SLCO2B1: variants seen among roughly 807,000 people sequenced by gnomAD.
The protein encoded by SLCO2B1 is OATP-RP2.
Under a neutral mutation model 67.3 loss-of-function variants are expected in SLCO2B1, and 41 were observed. That is an observed-to-expected ratio of 0.61 (90% CI 0.47 to 0.79). SLCO2B1 has a LOEUF of 0.79. Ranked by LOEUF, SLCO2B1 falls within the 30% of genes least tolerant of loss-of-function variation. SLCO2B1 has a pLI of 0.00. For synonymous variants in SLCO2B1, 379 were observed against 381.4 expected (o/e 0.99, Z 0.07); for missense variants, 837 against 920.1 (o/e 0.91, Z 1.17).
intron 7 of SLCO2B1, among the ~76,000 whole-genome samples, chr11:75,175,792 G>A (rs1233530123): frequency 6.6e-6 from 1 of 152,196 alleles, no homozygotes; most frequent in East Asian, 1.9e-4. Context: ...GTGAAGGAAG[G>A]CCAGATGCAG....
intron 1 of SLCO2B1, among the ~76,000 whole-genome samples, chr11:75,152,900 C>T (rs1344895048): frequency 2.0e-5 from 3 of 152,122 alleles, no homozygotes; most frequent in African/African-American, 4.8e-5. Context: ...GACACAGAGC[C>T]TGCAGCCTGG....
intron 7 of SLCO2B1, among the ~76,000 whole-genome samples, chr11:75,175,656 C>T (rs1049002267): frequency 2.0e-5 from 3 of 151,806 alleles, no homozygotes; most frequent in South Asian, 2.1e-4. Flanking sequence ...CAAGGTCTGT[C>T]GGCTCTGACA....
chr11:75,170,661 C>T (rs1486247334), intron 6 of SLCO2B1, among the ~76,000 whole-genome samples: 3 of 152,162 alleles, frequency 2.0e-5, no homozygotes, highest in Non-Finnish European at 4.4e-5. Context: ...TGCCCACAAG[C>T]GCCTCCAGCC....
intron 10 of SLCO2B1, 117 bp downstream of exon 10, chr11:75,196,796 GTC>G (rs1945108108): frequency 1.1e-6 from 1 of 939,558 alleles, no homozygotes; most frequent in East Asian, 2.7e-5. Context: ...TCGTCTCTCT[GTC>G]TCTCTCTGTT....
intron 7 of SLCO2B1, among the ~76,000 whole-genome samples, chr11:75,180,627 A>G (rs150959801): frequency 6.6e-6 from 1 of 152,306 alleles, no homozygotes; most frequent in African/African-American, 2.4e-5. Flanking sequence ...TCTATATCCT[A>G]CTTGCACTAT....
intron 8 of SLCO2B1, among the ~76,000 whole-genome samples, chr11:75,189,684 C>T (rs1307284092): frequency 1.3e-5 from 2 of 152,114 alleles, no homozygotes; most frequent in South Asian, 4.1e-4. Flanking sequence ...TGGTGGCTCA[C>T]ACCTGTAATC....
At position 75,206,381 on chromosome 11, in the gene SLCO2B1, T is replaced by C. The variant is rs1478768909; in HGVS notation, c.*1801T>C. 6.6e-6 allele frequency: 1 copy of C among 152,262 alleles called. No homozygotes were observed. The highest frequency in any genetic ancestry group is 1.5e-5 in the Non-Finnish European group (1 of 68,048). The allele number at this position is 152,262 out of a possible 1,614,324, so 9.4% of individuals were successfully genotyped here. A position where few individuals can be genotyped will look rare whatever the true frequency, so the allele number is the denominator to read the frequency against. Reference sequence around the variant, plus strand: ...TTGCTCACCATTATTGCTTGTATATTACATCTTTTCCAATCTTTATATTCT... The same window carrying C: ...TTGCTCACCATTATTGCTTGTATATCACATCTTTTCCAATCTTTATATTCT... On this transcript the variant is annotated 3_prime_UTR_variant, in exon 14 of 14. Coordinates refer to ENST00000289575, the MANE Select transcript of SLCO2B1 (RefSeq NM_007256.5).
At chr11:75,175,250 C>T (rs1565539780) in intron 7 of SLCO2B1, among the ~76,000 whole-genome samples, 1 of 152,124 alleles carries the variant, frequency 6.6e-6, no homozygotes, top group Non-Finnish European at 1.5e-5. Flanking sequence ...TGTTCCTCCA[C>T]CTCCCTGAGG....
At chr11:75,175,015 G>A (rs1020558515) in intron 7 of SLCO2B1, among the ~76,000 whole-genome samples, 4 of 152,288 alleles carry the variant, frequency 2.6e-5, no homozygotes, top group Middle Eastern at 3.4e-3. Context: ...GAGCTGCTAT[G>A]ATTCAGATAC....
intron 7 of SLCO2B1, 118 bp from the exon 8 acceptor site, chr11:75,188,018 A>C (rs764467159): frequency 2.0e-4 from 131 of 644,606 alleles, no homozygotes; most frequent in Non-Finnish European, 3.2e-4. Flanking sequence ...TTGCTCCTGA[A>C]GAGATGACAG....
chr11:75,203,180 G>A, intron 12 of SLCO2B1, 127 bp from the exon 13 acceptor site: 2 of 1,379,438 alleles, frequency 1.4e-6, no homozygotes, highest in South Asian at 1.3e-5. Context: ...CAGGGGTGGG[G>A]CGGGCTTGAG....
intron 7 of SLCO2B1, among the ~76,000 whole-genome samples, chr11:75,181,919 A>T (rs1368637954): frequency 6.6e-6 from 1 of 152,226 alleles, no homozygotes; most frequent in South Asian, 2.1e-4. Flanking sequence ...CAAGCGGCAG[A>T]AATCTGTGGA....
chr11:75,164,524 G>T (rs906692775), intron 3 of SLCO2B1, among the ~76,000 whole-genome samples: 7 of 152,056 alleles, frequency 4.6e-5, no homozygotes, highest in African/African-American at 1.4e-4. Flanking sequence ...CGCGGCGCAG[G>T]GTGTCTGTCC....
intron 6 of SLCO2B1, 107 bp from the exon 7 acceptor site, chr11:75,172,272 C>A: frequency 9.9e-7 from 1 of 1,007,720 alleles, no homozygotes; most frequent in Non-Finnish European, 1.5e-6. Flanking sequence ...GGTCTCCTGA[C>A]TCCCAGCCTG....
chr11:75,194,373 T>A (rs1945070998), intron 9 of SLCO2B1, among the ~76,000 whole-genome samples: 1 of 152,208 alleles, frequency 6.6e-6, no homozygotes, highest in Non-Finnish European at 1.5e-5. Flanking sequence ...GGCTAGAATT[T>A]CCCAACTTTC....
chr11:75,163,921 C>T, intron 2 of SLCO2B1, 42 bp from the exon 3 acceptor site: 1 of 1,565,154 alleles, frequency 6.4e-7, no homozygotes, highest in Non-Finnish European at 8.6e-7. Context: ...TTTGTCTCCC[C>T]CTGCACCGCC....
At chr11:75,168,518 AC>A (rs1045688272) in intron 4 of SLCO2B1, among the ~76,000 whole-genome samples, 3 of 152,190 alleles carry the variant, frequency 2.0e-5, no homozygotes, top group African/African-American at 4.8e-5. Context: ...AATGTCAGGT[AC>A]TAAATTAAGA....
At chr11:75,194,003 A>C (rs779178074) in intron 9 of SLCO2B1, among the ~76,000 whole-genome samples, 1 of 152,084 alleles carries the variant, frequency 6.6e-6, no homozygotes, top group Non-Finnish European at 1.5e-5. Flanking sequence ...ACGAGAGGGG[A>C]TGAGAGGGTG....
intron 8 of SLCO2B1, among the ~76,000 whole-genome samples, chr11:75,190,071 C>T (rs918782922): frequency 1.3e-5 from 2 of 152,162 alleles, no homozygotes; most frequent in African/African-American, 4.8e-5. Flanking sequence ...TGGTGCTGGG[C>T]CTAGACGCAG....
Sources: allele counts gnomAD v4.1 joint callset (sites outside exome capture counted in the v4.1 genomes callset), GRCh38; gene constraint gnomAD v4.1.1; transcripts MANE v1.5; gene names NCBI Gene and HGNC (gene_info 2026-07-23, HGNC 2026-07-21).